P4HA1: variants seen among roughly 807,000 people sequenced by gnomAD.
P4HA1 encodes the protein prolyl 4-hydroxylase subunit alpha-1.
P4HA1 carries 24 observed loss-of-function variants against 72.8 expected under a neutral mutation model. The ratio of observed to expected loss-of-function variants is 0.33; its 90% CI spans 0.24 to 0.46. The LOEUF is 0.46. Among genes scored for constraint, P4HA1 ranks in the 20% least tolerant of loss-of-function variants. P4HA1 has a pLI of 1.00. For missense variants in P4HA1, 446 were observed against 640.6 expected, an observed-to-expected ratio of 0.70 and a Z score of 3.28; for synonymous variants, 201 against 218.8, an observed-to-expected ratio of 0.92 and a Z score of 0.72.
In P4HA1 at chr10:73,031,246, G is replaced by A. The variant is rs187814297; in HGVS notation, c.1149-876C>T. The stretch of plus-strand genomic sequence containing the variant: ...TGCCTGTAATCCCAGCACTTTGGGA[G>A]GCTGAGGTGGAAAGGTCTCTTGAGG... On this transcript the variant is annotated intron_variant, in intron 9 of 14. Transcript: ENST00000394890. Among the ~76,000 whole-genome samples the A allele has an allele frequency of 3.5e-3, 533 of 152,288 alleles. 3 individuals carry two copies. Among genetic ancestry groups the A allele is most frequent in the African/African-American group, 0.012 (511 of 41,576 alleles).
intron 1 of P4HA1, among the ~76,000 whole-genome samples, chr10:73,077,943 C>A (rs1841737718): frequency 6.7e-6 from 1 of 148,704 alleles, no homozygotes. Context: ...GAGCCATGAT[C>A]TTGTCACTGC....
At chr10:73,079,240 T>C (rs1407323790) in intron 1 of P4HA1, among the ~76,000 whole-genome samples, 5 of 151,782 alleles carry the variant, frequency 3.3e-5, no homozygotes, top group Admixed American at 2.0e-4. Context: ...AGGATCACTG[T>C]AGGCCAGGAG....
chr10:73,019,078 G>A (rs1840074675), intron 10 of P4HA1, among the ~76,000 whole-genome samples: 1 of 151,886 alleles, frequency 6.6e-6, no homozygotes, highest in African/African-American at 2.4e-5. Context: ...TCCCTATTGT[G>A]GGGAAAACAA....
chr10:73,027,582 G>C (rs1360305996), intron 10 of P4HA1, among the ~76,000 whole-genome samples: 2 of 113,362 alleles, frequency 1.8e-5, no homozygotes, highest in African/African-American at 7.0e-5. Flanking sequence ...ATGTACCCTA[G>C]AACTTAAAGT....
At chr10:73,033,776 T>C (rs1434123065) in intron 9 of P4HA1, among the ~76,000 whole-genome samples, 5 of 152,158 alleles carry the variant, frequency 3.3e-5, no homozygotes, top group Non-Finnish European at 5.9e-5. Flanking sequence ...TTATAAAAAC[T>C]GTGGGAAGAA....
At chr10:73,021,942 G>A (rs1840145421) in intron 10 of P4HA1, among the ~76,000 whole-genome samples, 1 of 152,196 alleles carries the variant, frequency 6.6e-6, no homozygotes, top group South Asian at 2.1e-4. Flanking sequence ...TGGAGGAGGG[G>A]TGTCCACCAT....
intron 9 of P4HA1, among the ~76,000 whole-genome samples, chr10:73,036,335 G>A (rs1840575460): frequency 1.3e-5 from 2 of 151,806 alleles, no homozygotes; most frequent in African/African-American, 4.8e-5. Context: ...GAATTCTACT[G>A]ATGCATGGGA....
intron 9 of P4HA1, among the ~76,000 whole-genome samples, chr10:73,038,629 T>TG: frequency 9.7e-6 from 1 of 102,726 alleles, no homozygotes; most frequent in East Asian, 3.9e-4. Flanking sequence ...TTGCTTTTTT[T>TG]TTTTTTTTTT....
intron 9 of P4HA1, among the ~76,000 whole-genome samples, chr10:73,037,554 T>C (rs1266937326): frequency 3.0e-5 from 1 of 33,166 alleles, no homozygotes; most frequent in Non-Finnish European, 5.6e-5. Context: ...TATATATATA[T>C]ATATATATAT....
chr10:73,049,394 T>G (rs1331750168), intron 7 of P4HA1, among the ~76,000 whole-genome samples: 1 of 152,252 alleles, frequency 6.6e-6, no homozygotes, highest in African/African-American at 2.4e-5. Flanking sequence ...ACTCCTTCTA[T>G]GCAAGCCTGT....
intron 9 of P4HA1, among the ~76,000 whole-genome samples, chr10:73,044,621 G>GACT (rs1410250235): frequency 6.6e-6 from 1 of 152,170 alleles, no homozygotes; most frequent in Non-Finnish European, 1.5e-5. Flanking sequence ...CATAGGTGAA[G>GACT]ACTACTACTC....
intron 6 of P4HA1, among the ~76,000 whole-genome samples, chr10:73,052,350 G>A (rs546717132): frequency 3.6e-4 from 55 of 152,216 alleles, no homozygotes; most frequent in African/African-American, 1.0e-3. Flanking sequence ...TAAATGTTAC[G>A]ATATCCAATA....
intron 1 of P4HA1, among the ~76,000 whole-genome samples, chr10:73,080,046 G>A (rs1408136914): frequency 6.6e-6 from 1 of 152,114 alleles, no homozygotes; most frequent in East Asian, 1.9e-4. Flanking sequence ...CTATAAACAG[G>A]ACAAAGTCAT....
chr10:73,088,084 C>T (rs1387221715), intron 1 of P4HA1, among the ~76,000 whole-genome samples: 2 of 151,906 alleles, frequency 1.3e-5, no homozygotes, highest in Non-Finnish European at 2.9e-5. Context: ...AAAATAGAAA[C>T]GGGTCTCACT....
intron 10 of P4HA1, among the ~76,000 whole-genome samples, chr10:73,019,901 C>G (rs376126155): frequency 2.6e-5 from 4 of 151,850 alleles, no homozygotes; most frequent in African/African-American, 9.7e-5. Flanking sequence ...AGAGAGCCTA[C>G]AAGACTTCTG....
chr10:73,027,747 G>A (rs1840316786), intron 10 of P4HA1, among the ~76,000 whole-genome samples: 1 of 147,408 alleles, frequency 6.8e-6, no homozygotes, highest in Non-Finnish European at 1.5e-5. Context: ...ATGGATGCAG[G>A]GAGGGAGGGA....
chr10:73,091,082 A>G (rs1842019955), intron 1 of P4HA1, among the ~76,000 whole-genome samples: 1 of 150,630 alleles, frequency 6.6e-6, no homozygotes, highest in Non-Finnish European at 1.5e-5. Flanking sequence ...AAAAAAAAAA[A>G]AAGAAGTAAC....
intron 3 of P4HA1, among the ~76,000 whole-genome samples, chr10:73,072,923 A>G (rs570384401): frequency 4.9e-4 from 75 of 152,194 alleles, no homozygotes; most frequent in Non-Finnish European, 7.6e-4. Flanking sequence ...TAATCCCAGC[A>G]CTCTGGGAGG....
At chr10:73,044,840 C>G in intron 9 of P4HA1, 141 bp downstream of exon 9, 1 of 524,076 alleles carries the variant, frequency 1.9e-6, no homozygotes, top group Non-Finnish European at 3.3e-6. Flanking sequence ...AGCAGTTTAT[C>G]CATGCGTTAT....
Sources: gnomAD v4.1 joint callset for allele counts (sites outside exome capture counted in the v4.1 genomes callset) on GRCh38, gnomAD v4.1.1 for gene constraint, MANE v1.5 for transcripts, NCBI Gene and HGNC (gene_info 2026-07-23, HGNC 2026-07-21) for gene names.